SYNE2: variants seen among roughly 807,000 people sequenced by gnomAD.
SYNE2 encodes spectrin repeat containing nuclear envelope protein 2, also known as nesprin-2.
A neutral mutation model predicts 856.3 loss-of-function variants in SYNE2; 431 were observed. The observed-to-expected ratio is 0.50, with a 90% CI of 0.47 to 0.55. The LOEUF (loss-of-function observed/expected upper bound fraction) is 0.55. Among genes scored for constraint, SYNE2 ranks in the 20% least tolerant of loss-of-function variants. SYNE2 has a pLI of 0.00. For missense variants in SYNE2, 8,129 were observed against 8,023.2 expected (o/e 1.01, Z -0.50); for synonymous variants, 2,923 against 2,872.3 (o/e 1.02, Z -0.56).
chr14:63,879,643 G>A (rs1336320704), intron 1 of SYNE2, among the ~76,000 whole-genome samples: 6 of 152,248 alleles, frequency 3.9e-5, no homozygotes, highest in South Asian at 2.1e-4. Flanking sequence ...GAACAAAGGG[G>A]CTTCCAAAAG....
At chr14:63,953,464 A>G (rs931760054) in intron 7 of SYNE2, among the ~76,000 whole-genome samples, 2 of 152,204 alleles carry the variant, frequency 1.3e-5, no homozygotes, top group African/African-American at 4.8e-5. Context: ...GGGTCTGTGG[A>G]CCAGGGTGAG....
chr14:63,905,234 G>C (rs538655196), intron 1 of SYNE2, among the ~76,000 whole-genome samples: 84 of 152,052 alleles, frequency 5.5e-4, no homozygotes, highest in Non-Finnish European at 9.9e-4. Context: ...TTTTGAAATT[G>C]GGTAGTGTGA....
chr14:63,928,331 G>C (rs139149351), intron 2 of SYNE2, among the ~76,000 whole-genome samples: 1 of 152,330 alleles, frequency 6.6e-6, no homozygotes, highest in East Asian at 1.9e-4. Context: ...AAATTCTTCA[G>C]AGGGGGACAT....
In SYNE2 at chr14:64,121,062, G is replaced by A; in HGVS notation, c.13158+1G>A. ...ACAAAAAGATTTCCAGCAGCAACAG[G>A]TAATTCTAGCCCCCAACAGTTGTAG... is the stretch of plus-strand genomic sequence containing the variant. On this transcript the variant is annotated splice_donor_variant, in intron 68 of 115. Transcript: ENST00000555002. LOFTEE classifies it high-confidence loss of function. 2 of 1,613,922 alleles carry A rather than the reference G, an allele frequency of 1.2e-6. No homozygotes were observed. The highest frequency in any genetic ancestry group is 8.5e-7 in the Non-Finnish European group (1 of 1,179,890).
intron 78 of SYNE2, among the ~76,000 whole-genome samples, chr14:64,135,384 G>T (rs566784440): frequency 2.2e-4 from 34 of 152,070 alleles, no homozygotes; most frequent in African/African-American, 8.2e-4. Context: ...CAGAGGCTGG[G>T]ACACTGTATT....
At chr14:63,932,756 A>G (rs1021036868) in intron 2 of SYNE2, among the ~76,000 whole-genome samples, 1 of 152,240 alleles carries the variant, frequency 6.6e-6, no homozygotes, top group Admixed American at 6.5e-5. Flanking sequence ...GTCCAATTAT[A>G]ATAAATGATG....
At chr14:64,181,844 TA>T (rs1289158848) in intron 96 of SYNE2, among the ~76,000 whole-genome samples, 2 of 152,252 alleles carry the variant, frequency 1.3e-5, no homozygotes, top group African/African-American at 4.8e-5. Context: ...CTAACTTCAC[TA>T]TTATGAAAAT....
chr14:63,929,295 A>G (rs1290263481), intron 2 of SYNE2, among the ~76,000 whole-genome samples: 1 of 152,160 alleles, frequency 6.6e-6, no homozygotes, highest in African/African-American at 2.4e-5. Flanking sequence ...AAAAATCTCT[A>G]AAGTGCAGAG....
chr14:63,835,888 C>T (rs1175218205), intron 1 of SYNE2, among the ~76,000 whole-genome samples: 2 of 149,270 alleles, frequency 1.3e-5, no homozygotes, highest in Admixed American at 6.9e-5. Context: ...GAGGCTGAGG[C>T]AGGAGAATCA....
At position 64,220,606 on chromosome 14, in the gene SYNE2, G is replaced by A. The variant is rs573360159; in HGVS notation, c.20030G>A (p.Gly6677Glu). The change falls in exon 111 of 116, where the codon GGG (glycine) becomes GAG (glutamate). Residue 6677 changes from glycine (G) to glutamate (E), a missense_variant. By Grantham distance (98) the Gly-to-Glu change is moderately conservative (BLOSUM62 -2). Transcript: ENST00000555002. ...AAQGAVDSWR[G>E]GLRQSLMQCQ... Reference sequence around the variant, plus strand: ...CAGGGCGCAGTGGACAGCTGGAGAGGGGGCTTACGACAGTCGCTCATGCAG... The same window carrying A: ...CAGGGCGCAGTGGACAGCTGGAGAGAGGGCTTACGACAGTCGCTCATGCAG... 1 of 1,614,072 alleles carries A rather than the reference G, an allele frequency of 6.2e-7. No individual in the cohort carries two copies. The highest frequency in any genetic ancestry group is 2.2e-5 in the East Asian group (1 of 44,888).
intron 1 of SYNE2, among the ~76,000 whole-genome samples, chr14:63,887,810 TGGTGCCATCTTGGCTCAC>T (rs2095033614): frequency 6.6e-6 from 1 of 150,476 alleles, no homozygotes; most frequent in Non-Finnish European, 1.5e-5. Context: ...TGGAGTGCAT[TGGTGCCATCTTGGCTCAC>T]TACAGCTTCC....
At chr14:64,002,627 T>A in intron 29 of SYNE2, 93 bp from the exon 30 acceptor site, 1 of 1,417,142 alleles carries the variant, frequency 7.1e-7, no homozygotes, top group Non-Finnish European at 9.6e-7. Flanking sequence ...TTTTTCTAGA[T>A]CAAATCTAGT....
intron 2 of SYNE2, among the ~76,000 whole-genome samples, chr14:63,910,054 G>A (rs8010385): frequency 0.48 from 72,262 of 151,972 alleles, 18,463 homozygotes; most frequent in South Asian, 0.66. Flanking sequence ...TGTTGATAAA[G>A]CAAATTTTGG....
At chr14:63,939,215 T>A (rs1345286949) in intron 2 of SYNE2, among the ~76,000 whole-genome samples, 2 of 152,010 alleles carry the variant, frequency 1.3e-5, no homozygotes, top group African/African-American at 4.8e-5. Flanking sequence ...GAATGTCTGC[T>A]GAAAATCAGG....
intron 1 of SYNE2, among the ~76,000 whole-genome samples, chr14:63,825,702 C>T (rs139495004): frequency 0.048 from 7,278 of 152,034 alleles, 288 homozygotes; most frequent in Non-Finnish European, 0.076. Flanking sequence ...GGCAAAACCC[C>T]GTCTCTACTA....
intron 1 of SYNE2, among the ~76,000 whole-genome samples, chr14:63,796,878 G>A (rs1251292936): frequency 6.6e-6 from 1 of 152,050 alleles, no homozygotes; most frequent in Non-Finnish European, 1.5e-5. Flanking sequence ...AGGAGTTGGA[G>A]ACCAGCATGG....
chr14:64,007,269 G>A, intron 31 of SYNE2, 47 bp downstream of exon 31: 6 of 1,574,652 alleles, frequency 3.8e-6, no homozygotes, highest in Non-Finnish European at 5.2e-6. Flanking sequence ...ATTGTCTGTA[G>A]CACAATTAAC....
intron 40 of SYNE2, 43 bp from the exon 41 acceptor site, chr14:64,025,087 G>A (rs371334678): frequency 1.7e-5 from 28 of 1,613,884 alleles, no homozygotes; most frequent in Non-Finnish European, 2.3e-5. Context: ...CTTCCATGGT[G>A]TGGTTACTCC....
At chr14:63,807,449 T>A (rs560717850) in intron 1 of SYNE2, among the ~76,000 whole-genome samples, 1 of 152,088 alleles carries the variant, frequency 6.6e-6, no homozygotes, top group South Asian at 2.1e-4. Context: ...AAAAATTATG[T>A]AAGGTTTGCA....
Sources: allele counts gnomAD v4.1 joint callset (sites outside exome capture counted in the v4.1 genomes callset), GRCh38; gene constraint gnomAD v4.1.1; transcripts MANE v1.5; gene names NCBI Gene and HGNC (gene_info 2026-07-23, HGNC 2026-07-21).